The following CWH43 variants were observed in gnomAD, a reference collection of about 807,000 sequenced individuals.
CWH43 encodes PGAP2-interacting protein.
In CWH43, 91 loss-of-function variants were observed where a neutral mutation model predicts 85.7. The ratio of observed to expected loss-of-function variants is 1.06; its 90% CI spans 0.90 to 1.26. CWH43 has a LOEUF of 1.26. Among genes scored for constraint, CWH43 ranks in the 50% most tolerant of loss-of-function variants. The probability of loss-of-function intolerance (pLI) is 0.00; values close to 1 mark genes in which losing one functional copy is unlikely to be tolerated. For missense variants in CWH43, 869 were observed against 839.2 expected, an observed-to-expected ratio of 1.04 and a Z score of -0.44; for synonymous variants, 323 against 293.6, an observed-to-expected ratio of 1.10 and a Z score of -1.02.
chr4:48,996,791 A>T (rs1782829257), intron 5 of CWH43, among the ~76,000 whole-genome samples: 1 of 152,180 alleles, frequency 6.6e-6, no homozygotes, highest in South Asian at 2.1e-4. Context: ...CTTCAGGGGG[A>T]AACTTTCTCA....
At chr4:49,056,663 T>A (rs1560518492) in intron 15 of CWH43, among the ~76,000 whole-genome samples, 1 of 152,062 alleles carries the variant, frequency 6.6e-6, no homozygotes, top group Non-Finnish European at 1.5e-5. Context: ...TTTCATTATT[T>A]TTTTCTCTAA....
At chr4:49,010,001 A>C (rs1230627883) in intron 8 of CWH43, among the ~76,000 whole-genome samples, 1 of 152,190 alleles carries the variant, frequency 6.6e-6, no homozygotes, top group East Asian at 1.9e-4. Context: ...AAAATGAGTT[A>C]GGGAGGATTC....
At chr4:49,044,674 A>G in intron 13 of CWH43, 112 bp from the exon 14 acceptor site, 2 of 772,256 alleles carry the variant, frequency 2.6e-6, no homozygotes, top group South Asian at 1.9e-5. Flanking sequence ...CCAGGAAGAG[A>G]AAACAGCATG....
At chr4:48,986,519 G>A (rs1314008186) in intron 1 of CWH43, 47 bp downstream of exon 1, 1 of 1,549,342 alleles carries the variant, frequency 6.5e-7, no homozygotes, top group Non-Finnish European at 8.7e-7. Context: ...CAGCTCCCCG[G>A]GCCATGTCCA....
chr4:49,048,497 G>T (rs762983565), intron 14 of CWH43, among the ~76,000 whole-genome samples: 14 of 152,006 alleles, frequency 9.2e-5, no homozygotes, highest in African/African-American at 1.4e-4. Context: ...CTAAACAACA[G>T]AAATTAATTT....
intron 15 of CWH43, among the ~76,000 whole-genome samples, chr4:49,055,936 C>G (rs1476207034): frequency 1.4e-5 from 2 of 143,790 alleles, no homozygotes; most frequent in Non-Finnish European, 3.0e-5. Context: ...TTATTATACT[C>G]TAAGTTTTAG....
At chr4:49,044,904 C>A in intron 14 of CWH43, 57 bp downstream of exon 14, 2 of 1,434,790 alleles carry the variant, frequency 1.4e-6, no homozygotes, top group South Asian at 1.2e-5. Context: ...TCTTTTGGGT[C>A]TGTCTGAGAA....
chr4:49,014,378 A>G (rs1236748126), intron 8 of CWH43, among the ~76,000 whole-genome samples: 1 of 150,598 alleles, frequency 6.6e-6, no homozygotes, highest in Non-Finnish European at 1.5e-5. Context: ...AAGTGGGAGG[A>G]TCTTTTGAGC....
intron 8 of CWH43, chr4:49,016,646 T>C (rs1783556314): frequency 2.7e-6 from 2 of 754,150 alleles, no homozygotes; most frequent in Non-Finnish European, 2.5e-6. Context: ...ATCAGAAGCA[T>C]GTGCAGGGGA....
intron 9 of CWH43, among the ~76,000 whole-genome samples, chr4:49,023,396 T>C (rs961109689): frequency 1.3e-4 from 20 of 152,170 alleles, no homozygotes; most frequent in African/African-American, 4.8e-4. Flanking sequence ...TTTTTTGAGA[T>C]GGAGTTTCTC....
At chr4:49,014,371 T>C (rs1205387441) in intron 8 of CWH43, among the ~76,000 whole-genome samples, 1 of 149,376 alleles carries the variant, frequency 6.7e-6, no homozygotes, top group Non-Finnish European at 1.5e-5. Context: ...GAGGGTGAAG[T>C]GGGAGGATCT....
Position 49,028,621 on chromosome 4 carries a change from TTCC to T in CWH43, c.1267-5_1267-3del. The T allele has an allele frequency of 6.2e-7, 1 of 1,605,652 alleles. No individual in the cohort carries two copies. The highest frequency in any genetic ancestry group is 8.5e-7 in the Non-Finnish European group (1 of 1,174,422). The stretch of plus-strand genomic sequence containing the variant: ...TCATCCTAAACTACCATTAAAACAA[TTCC>T]TCAGGCACCAACCAAAGAGGTCTCT... On this transcript the variant is annotated splice_region_variant and splice_polypyrimidine_tract_variant and intron_variant, in intron 9 of 15. Transcript: ENST00000226432.
At chr4:49,027,596 A>C (rs1783955361) in intron 9 of CWH43, among the ~76,000 whole-genome samples, 1 of 152,092 alleles carries the variant, frequency 6.6e-6, no homozygotes, top group Non-Finnish European at 1.5e-5. Context: ...TTTAGGGTGC[A>C]TGGGATGTTT....
chr4:49,035,094 G>A (rs11731471), intron 12 of CWH43, among the ~76,000 whole-genome samples: 8,642 of 152,200 alleles, frequency 0.057, 356 homozygotes, highest in Non-Finnish European at 0.09. Context: ...ACATAGGAAA[G>A]TTAACACCTT....
At chr4:49,023,107 G>A (rs919872978) in intron 9 of CWH43, among the ~76,000 whole-genome samples, 1 of 151,934 alleles carries the variant, frequency 6.6e-6, no homozygotes, top group Non-Finnish European at 1.5e-5. Flanking sequence ...TGTTTCTCTA[G>A]TTCCTTGAGT....
chr4:48,991,884 T>C, intron 3 of CWH43, 52 bp from the exon 4 acceptor site: 1 of 1,433,614 alleles, frequency 7.0e-7, no homozygotes, highest in Non-Finnish European at 9.7e-7. Context: ...ATGATGGACA[T>C]AGTACATTGA....
chr4:49,055,092 A>G (rs899495726), intron 15 of CWH43, among the ~76,000 whole-genome samples: 2 of 152,160 alleles, frequency 1.3e-5, no homozygotes, highest in Non-Finnish European at 2.9e-5. Context: ...TCCTGATCCC[A>G]GAGAAAAAGC....
intron 15 of CWH43, among the ~76,000 whole-genome samples, chr4:49,056,810 C>T (rs1053672592): frequency 4.6e-5 from 7 of 151,966 alleles, no homozygotes; most frequent in African/African-American, 7.3e-5. Context: ...CTTTTAAAAC[C>T]GTGTTTGCTA....
intron 10 of CWH43, among the ~76,000 whole-genome samples, chr4:49,029,643 T>A (rs1215090210): frequency 6.6e-6 from 1 of 152,240 alleles, no homozygotes; most frequent in African/African-American, 2.4e-5. Flanking sequence ...AATCCAATTA[T>A]ACATTTGTTC....
Sources: gnomAD v4.1 joint callset for allele counts (sites outside exome capture counted in the v4.1 genomes callset) on GRCh38, gnomAD v4.1.1 for gene constraint, MANE v1.5 for transcripts, NCBI Gene and HGNC (gene_info 2026-07-23, HGNC 2026-07-21) for gene names.